The following ATOSA variants were observed in gnomAD, a reference collection of about 807,000 sequenced individuals.
The protein encoded by ATOSA is atos homolog protein A.
the ATOSA span, among the ~76,000 whole-genome samples, chr15:52,633,452 G>A: frequency 3.2e-3 from 493 of 152,288 alleles, 1 homozygote; most frequent in Middle Eastern, 6.8e-3. Context: ...CTTACTGTCT[G>A]GAGCAAGTTT....
the ATOSA span, among the ~76,000 whole-genome samples, chr15:52,646,770 T>G: frequency 6.6e-6 from 1 of 152,148 alleles, no homozygotes; most frequent in Non-Finnish European, 1.5e-5. Flanking sequence ...TTAAAAAAAG[T>G]TCTTAACCTA....
chr15:52,625,903 C>T, the ATOSA span, among the ~76,000 whole-genome samples: 1 of 152,182 alleles, frequency 6.6e-6, no homozygotes, highest in Non-Finnish European at 1.5e-5. Context: ...AGCTCTGCTA[C>T]TTGCTAGTTG....
chr15:52,699,423 G>A, the ATOSA span, among the ~76,000 whole-genome samples: 2 of 151,296 alleles, frequency 1.3e-5, no homozygotes, highest in Admixed American at 1.3e-4. Context: ...CCTCCTCCTG[G>A]TCCAATCTCC....
At chr15:52,675,610 T>C in the ATOSA span, among the ~76,000 whole-genome samples, 86 of 152,340 alleles carry the variant, frequency 5.6e-4, no homozygotes, top group Middle Eastern at 3.4e-3. Flanking sequence ...GTTCATCTTA[T>C]AGAAAACTTA....
At chr15:52,684,838 A>T in the ATOSA span, among the ~76,000 whole-genome samples, 1 of 152,174 alleles carries the variant, frequency 6.6e-6, no homozygotes, top group Admixed American at 6.5e-5. Flanking sequence ...TGGCCCCCCA[A>T]AGTGTTGGGA....
the ATOSA span, chr15:52,658,107 G>A: frequency 6.6e-6 from 1 of 152,112 alleles, no homozygotes; most frequent in African/African-American, 2.4e-5. Context: ...AACAAACATG[G>A]ACTTTGGAAG....
the ATOSA span, among the ~76,000 whole-genome samples, chr15:52,659,776 G>A: frequency 6.6e-6 from 1 of 152,136 alleles, no homozygotes. Context: ...GCCCACTGAG[G>A]TGGGAGGTTT....
At chr15:52,640,124 C>T in the ATOSA span, among the ~76,000 whole-genome samples, 1,859 of 152,086 alleles carry the variant, frequency 0.012, 22 homozygotes, top group African/African-American at 0.034. Flanking sequence ...AAGATACTTG[C>T]GCAAAGCCCA....
chr15:52,637,970 T>G, the ATOSA span, among the ~76,000 whole-genome samples: 2 of 152,230 alleles, frequency 1.3e-5, no homozygotes, highest in Non-Finnish European at 2.9e-5. Context: ...TTCTACTTCT[T>G]TTTCTTGTCT....
At chr15:52,613,262 A>C in the ATOSA span, among the ~76,000 whole-genome samples, 1 of 152,262 alleles carries the variant, frequency 6.6e-6, no homozygotes, top group African/African-American at 2.4e-5. Context: ...GCTACTCAGG[A>C]GGCTGAGACA....
At chr15:52,664,209 T>C in the ATOSA span, among the ~76,000 whole-genome samples, 192 of 152,298 alleles carry the variant, frequency 1.3e-3, no homozygotes, top group African/African-American at 4.4e-3. Flanking sequence ...AAATTCTCAT[T>C]TGCTCTTTAC....
At chr15:52,675,507 C>T in the ATOSA span, among the ~76,000 whole-genome samples, 1 of 152,248 alleles carries the variant, frequency 6.6e-6, no homozygotes, top group Non-Finnish European at 1.5e-5. Flanking sequence ...TGAAGCACAG[C>T]TGTCTTTCAC....
chr15:52,691,450 G>A, the ATOSA span, among the ~76,000 whole-genome samples: 4 of 152,072 alleles, frequency 2.6e-5, no homozygotes, highest in African/African-American at 4.8e-5. Context: ...TTAATTATCA[G>A]GTTTATATGT....
the ATOSA span, among the ~76,000 whole-genome samples, chr15:52,647,995 A>C: frequency 6.6e-6 from 1 of 152,168 alleles, no homozygotes; most frequent in Non-Finnish European, 1.5e-5. Flanking sequence ...GTACCTTAGG[A>C]AACTGAGAAA....
the ATOSA span, chr15:52,586,229 T>C: frequency 2.3e-4 from 35 of 152,326 alleles, no homozygotes; most frequent in Middle Eastern, 3.4e-3. Flanking sequence ...CTCAAACTTA[T>C]ATAAATATTA....
the ATOSA span, chr15:52,586,113 C>T: frequency 6.6e-6 from 1 of 152,228 alleles, no homozygotes; most frequent in East Asian, 1.9e-4. Context: ...TAGCTTTCCA[C>T]TGACCCACAC....
At chr15:52,600,303 G>C in the ATOSA span, 6 of 948,680 alleles carry the variant, frequency 6.3e-6, no homozygotes, top group Non-Finnish European at 9.8e-6. Flanking sequence ...TCTTGAGACA[G>C]GGTCTCACTC....
the ATOSA span, among the ~76,000 whole-genome samples, chr15:52,706,251 G>T: frequency 6.6e-6 from 1 of 152,276 alleles, no homozygotes; most frequent in East Asian, 1.9e-4. Flanking sequence ...TGAACGCAAT[G>T]TTCTCTCAAA....
the ATOSA span, among the ~76,000 whole-genome samples, chr15:52,689,764 G>A: frequency 5.3e-5 from 8 of 152,312 alleles, no homozygotes; most frequent in South Asian, 4.1e-4. Context: ...TTGGCCAATC[G>A]TATTCTTTGT....
Sources: gnomAD v4.1 joint callset for allele counts (sites outside exome capture counted in the v4.1 genomes callset) on GRCh38, gnomAD v4.1.1 for gene constraint, MANE v1.5 for transcripts, NCBI Gene and HGNC (gene_info 2026-07-23, HGNC 2026-07-21) for gene names.